Variants in FPR1 observed in about 807,000 individuals in gnomAD.
FPR1 encodes formyl peptide receptor 1.
For synonymous variants in FPR1, 193 were observed against 176.7 expected, an observed-to-expected ratio of 1.09 and a Z score of -0.73; for missense variants, 407 against 453.0, an observed-to-expected ratio of 0.90 and a Z score of 0.92.
chr19:51,745,778 T>G lies in FPR1; in HGVS notation c.*164A>C. On this transcript the variant is annotated 3_prime_UTR_variant, in exon 2 of 2. Coordinates refer to ENST00000304748, the MANE Select transcript of FPR1 (RefSeq NM_002029.4). ...ATCAAAAAAGAAGTCAATAATAAAC[T>G]CATATCTGTTTATTCTCCCCAAATC... 1.6e-6 allele frequency: 1 copy of G among 630,940 alleles called. No individual in the cohort carries two copies. Among genetic ancestry groups the G allele is most frequent in the South Asian group, 2.1e-5 (1 of 48,488 alleles). The allele number at this position is 630,940 out of a possible 1,614,324, so 39.1% of individuals were successfully genotyped here.
At position 51,746,382 on chromosome 19, in the gene FPR1, G is replaced by C. The variant is rs1489945041; in HGVS notation, c.613C>G (p.Arg205Gly). 1.2e-6 allele frequency: 2 copies of C among 1,614,064 alleles called. No homozygotes were observed. ...VAMLTVRGII[R>G]FIIGFSAPMS... is the part of the protein sequence containing the mutation. Reference sequence around the variant, plus strand: ...GGTGCGCTGAAGCCAATGATGAACCGGATGATGCCTCTCACCGTCAACATG... The same window carrying C: ...GGTGCGCTGAAGCCAATGATGAACCCGATGATGCCTCTCACCGTCAACATG... Residue 205 changes from arginine to glycine, a missense_variant, in exon 2 of 2, where the codon CGG (arginine) becomes GGG (glycine). Physicochemically the swap from Arg to Gly is moderately radical, Grantham distance 125. Transcript: ENST00000304748. This position sits in a 1 kb window ranked among gnomAD's most constrained non-coding sequence, Gnocchi z 4.3.
At chr19:51,748,973 T>C (rs1028731209) in intron 1 of FPR1, among the ~76,000 whole-genome samples, 1 of 151,944 alleles carries the variant, frequency 6.6e-6, no homozygotes, top group African/African-American at 2.4e-5. Flanking sequence ...TCCCAGTACC[T>C]TGGGAGGCCG....
In FPR1 at chr19:51,745,975, T is replaced by C. The variant is rs1332047140; in HGVS notation, c.1020A>G (p.Leu340=). Residue 340 remains leucine, a synonymous_variant, in exon 2 of 2, where the codon TTA becomes TTG. Transcript: ENST00000304748. The part of the protein sequence containing the change: ...QTSDTATNST[L]PSAEVELQAK ...CCTGTAACTCCACCTCTGCAGAAGGTAAAGTAGAATTGGTAGCTGTGTCAC... is the reference window on the plus strand; with the variant it reads ...CCTGTAACTCCACCTCTGCAGAAGGCAAAGTAGAATTGGTAGCTGTGTCAC... The C allele has an allele frequency of 1.2e-6, 2 of 1,613,692 alleles. No homozygotes were observed. The highest frequency in any genetic ancestry group is 2.2e-5 in the East Asian group (1 of 44,846).
intron 1 of FPR1, chr19:51,750,817 C>T (rs2083775933): frequency 6.6e-6 from 1 of 152,184 alleles, no homozygotes; most frequent in Admixed American, 6.5e-5. Flanking sequence ...TCTCAACAAA[C>T]TCAGCATTGA....
chr19:51,749,811 G>T (rs899241073), intron 1 of FPR1, among the ~76,000 whole-genome samples: 1 of 152,004 alleles, frequency 6.6e-6, no homozygotes, highest in South Asian at 2.1e-4. Context: ...TCAGGTGCAC[G>T]CCGCCGTGCC....
intron 1 of FPR1, among the ~76,000 whole-genome samples, chr19:51,748,941 G>A (rs1289757159): frequency 6.6e-6 from 1 of 152,118 alleles, no homozygotes; most frequent in Admixed American, 6.5e-5. Context: ...TCTCAGCCAG[G>A]CGCAGTGGCT....
At position 51,746,746 on chromosome 19, in the gene FPR1, G is replaced by T. The variant is rs2083749891; in HGVS notation, c.249C>A (p.Val83=). ...CFTSTLPFFM[V]RKAMGGHWPF... ...GCCAATGTCCTCCCATGGCCTTCCT[G>T]ACCATGAAGAATGGCAAAGTGGAGG... Residue 83 remains valine (V), a synonymous_variant, in exon 2 of 2, where the codon GTC becomes GTA. Coordinates refer to ENST00000304748, the MANE Select transcript of FPR1 (RefSeq NM_002029.4). This position sits in a 1 kb window ranked among gnomAD's most constrained non-coding sequence, Gnocchi z 4.3. 1 of 1,614,152 alleles carries T rather than the reference G, an allele frequency of 6.2e-7. No individual in the cohort carries two copies. The highest frequency in any genetic ancestry group is 8.5e-7 in the Non-Finnish European group (1 of 1,180,042).
At chr19:51,750,977 C>T (rs1175021981) in intron 1 of FPR1, among the ~76,000 whole-genome samples, 2 of 152,180 alleles carry the variant, frequency 1.3e-5, no homozygotes, top group Non-Finnish European at 2.9e-5. Flanking sequence ...CACGTGGAGA[C>T]TCATCACTGA....
At chr19:51,751,299 C>G (rs7247639) in intron 1 of FPR1, among the ~76,000 whole-genome samples, 6,787 of 152,254 alleles carry the variant, frequency 0.045, 499 homozygotes, top group African/African-American at 0.16. Context: ...TATCCCTTCT[C>G]TCTCCTGCAG....
chr19:51,749,179 C>A (rs2122329211), intron 1 of FPR1, among the ~76,000 whole-genome samples: 1 of 151,050 alleles, frequency 6.6e-6, no homozygotes, highest in South Asian at 2.1e-4. Flanking sequence ...TGCGCCATTG[C>A]ACTCCAGCCT....
Position 51,746,603 on chromosome 19 carries a change from A to G in FPR1, c.392T>C (p.Val131Ala). The change falls in exon 2 of 2, where the codon GTC (valine) becomes GCC (alanine). Residue 131 changes from valine (V) to alanine (A), a missense_variant. Val to Ala is a moderately conservative substitution (Grantham distance 64, BLOSUM62 0). Coordinates refer to ENST00000304748, the MANE Select transcript of FPR1 (RefSeq NM_002029.4). The surrounding 1 kb of genome is among the most constrained non-coding windows in gnomAD (Gnocchi z 4.3). ...CACGGTGCGGTGGTTCTGGGTCCAG[A>G]CTGGATGCAGGACGCAAACACAGCG... Reference protein sequence around the residue: ...LDRCVCVLHPVWTQNHRTVSL... With the variant: ...LDRCVCVLHPAWTQNHRTVSL... The G allele has an allele frequency of 6.2e-7, 1 of 1,614,160 alleles. No homozygotes were observed. The highest frequency in any genetic ancestry group is 1.1e-5 in the South Asian group (1 of 91,080).
chr19:51,745,898 C>A lies in FPR1; in HGVS notation c.*44G>T, dbSNP rs199734809. The A allele has an allele frequency of 4.9e-4, 754 of 1,533,862 alleles. 3 individuals are homozygous for A. In the Middle Eastern group the frequency reaches 6.4e-3, roughly 13 times the overall value. On this transcript the variant is annotated 3_prime_UTR_variant, in exon 2 of 2. Coordinates refer to ENST00000304748, the MANE Select transcript of FPR1 (RefSeq NM_002029.4). ...TGGCTCAGCCTAACTCAAGGTGAGA[C>A]GAAGCTGGAGCTGGGAGCTCGAAAG... is the stretch of plus-strand genomic sequence containing the variant.
rs1205639049 is a variant in FPR1, at chr19:51,746,249, G to T, written c.746C>A (p.Ala249Asp). Residue 249 changes from alanine (A) to aspartate (D), a missense_variant, in exon 2 of 2, where the codon GCC (alanine) becomes GAC (aspartate). Ala to Asp is a moderately radical substitution (Grantham distance 126). Transcript: ENST00000304748. This position sits in a 1 kb window ranked among gnomAD's most constrained non-coding sequence, Gnocchi z 4.3. ...PLRVLSFVAA[A>D]FFLCWSPYQV... is the part of the protein sequence containing the mutation. ...ATATGGGGACCAGCAGAGAAAAAAG[G>T]CTGCTGCGACAAAGGAGAGGACCCG... 1.2e-6 allele frequency: 2 copies of T among 1,614,044 alleles called. No individual in the cohort carries two copies. Among genetic ancestry groups the T allele is most frequent in the Non-Finnish European group, 1.7e-6 (2 of 1,180,032 alleles).
At chr19:51,747,272 G>A (rs939824453) in intron 1 of FPR1, among the ~76,000 whole-genome samples, 1 of 149,944 alleles carries the variant, frequency 6.7e-6, no homozygotes, top group African/African-American at 2.5e-5. Flanking sequence ...AGGCTGGAGT[G>A]CAGTGGCGTG....
chr19:51,747,300 C>A (rs1029707613), intron 1 of FPR1, among the ~76,000 whole-genome samples: 2 of 151,316 alleles, frequency 1.3e-5, no homozygotes, highest in Middle Eastern at 3.2e-3. Context: ...ACTGCAACCT[C>A]CACCTCCCGG....
chr19:51,749,277 G>A (rs1363189745), intron 1 of FPR1, among the ~76,000 whole-genome samples: 2 of 152,118 alleles, frequency 1.3e-5, no homozygotes, highest in African/African-American at 4.8e-5. Flanking sequence ...TCTCTTTAAG[G>A]TCATGAAATC....
chr19:51,746,955 C>T lies in FPR1; in HGVS notation c.40G>A (p.Gly14Arg), dbSNP rs1284082601. ...NSSLPTNISG[G>R]TPAVSAGYLF... The stretch of plus-strand genomic sequence containing the variant: ...TAGCCAGCAGATACAGCAGGTGTCC[C>T]TCCAGAGATGTTCGTGGGGAGAGAG... The change falls in exon 2 of 2, where the codon GGG becomes AGG. Residue 14 changes from glycine (G) to arginine (R), a missense_variant. Gly to Arg is a moderately radical substitution (Grantham distance 125). Coordinates refer to ENST00000304748, the MANE Select transcript of FPR1 (RefSeq NM_002029.4). The surrounding 1 kb of genome is among the most constrained non-coding windows in gnomAD (Gnocchi z 4.3). 4 of 1,613,846 alleles carry T rather than the reference C, an allele frequency of 2.5e-6. No individual in the cohort carries two copies. Among genetic ancestry groups the T allele is most frequent in the Middle Eastern group, 1.7e-4 (1 of 6,056 alleles).
intron 1 of FPR1, among the ~76,000 whole-genome samples, chr19:51,751,507 C>A (rs2122334025): frequency 6.6e-6 from 1 of 152,210 alleles, no homozygotes. Flanking sequence ...CTCAGCCTCC[C>A]AAGTAGCTTG....
rs763461632 is a variant in FPR1 at position 51,746,102 on chromosome 19, G to T, written c.893C>A (p.Pro298His). 2 of 1,614,040 alleles carry T rather than the reference G, an allele frequency of 1.2e-6. No homozygotes were observed. Among genetic ancestry groups the T allele is most frequent in the African/African-American group, 2.7e-5 (2 of 74,922 alleles). The change falls in exon 2 of 2, where the codon CCC becomes CAC. Residue 298 changes from proline to histidine, a missense_variant. By Grantham distance (77) the Pro-to-His change is moderately conservative. Coordinates refer to ENST00000304748, the MANE Select transcript of FPR1 (RefSeq NM_002029.4). The surrounding 1 kb of genome is among the most constrained non-coding windows in gnomAD (Gnocchi z 4.3). Reference protein sequence around the residue: ...ALAFFNSCLNPMLYVFMGQDF... With the variant: ...ALAFFNSCLNHMLYVFMGQDF... ...CTGGCCCATGAAGACATAGAGCATG[G>T]GGTTGAGGCAGCTGTTGAAGAAGGC...
Sources: gnomAD v4.1 joint callset for allele counts (sites outside exome capture counted in the v4.1 genomes callset) on GRCh38, gnomAD v4.1.1 for gene constraint, Gnocchi (gnomAD v3.1) non-coding constraint, MANE v1.5 for transcripts, NCBI Gene and HGNC (gene_info 2026-07-23, HGNC 2026-07-21) for gene names.